Variants in ANK1 observed in about 807,000 individuals in gnomAD.
ANK1 encodes ankyrin 1.
A neutral mutation model predicts 210.4 loss-of-function variants in ANK1; 51 were observed. That is an observed-to-expected ratio of 0.24 (90% confidence interval 0.19 to 0.31). The LOEUF is 0.31. Among genes scored for constraint, ANK1 ranks in the 10% least tolerant of loss-of-function variants. The probability of loss-of-function intolerance (pLI) is 1.00; values close to 1 mark genes in which losing one functional copy is unlikely to be tolerated. For missense variants in ANK1, 2,051 were observed against 2,504.4 expected, an observed-to-expected ratio of 0.82 and a Z score of 3.86; for synonymous variants, 967 against 1,025.9, an observed-to-expected ratio of 0.94 and a Z score of 1.10.
chr8:41,774,639 C>T (rs935307130), intron 1 of ANK1, among the ~76,000 whole-genome samples: 6 of 152,232 alleles, frequency 3.9e-5, no homozygotes, highest in Non-Finnish European at 8.8e-5. Context: ...CCCAAGGCAG[C>T]GAAGCAGACA....
chr8:41,726,516 A>G (rs1186397544), intron 5 of ANK1, among the ~76,000 whole-genome samples: 1 of 152,070 alleles, frequency 6.6e-6, no homozygotes, highest in South Asian at 2.1e-4. Context: ...CAGCTTCCCA[A>G]GTAGCTAAGA....
At chr8:41,863,763 AAG>A (rs1311437085) in intron 1 of ANK1, among the ~76,000 whole-genome samples, 1 of 152,188 alleles carries the variant, frequency 6.6e-6, no homozygotes, top group African/African-American at 2.4e-5. Flanking sequence ...TACAAGTTGA[AAG>A]AGGTTCTGTG....
At chr8:41,702,196 G>C in intron 20 of ANK1, 52 bp from the exon 21 acceptor site, 2 of 1,482,424 alleles carry the variant, frequency 1.3e-6, no homozygotes, top group Non-Finnish European at 1.9e-6. Context: ...AGTCTAGGAG[G>C]CGGGGCTGGC....
chr8:41,758,950 C>G (rs1043117445), intron 1 of ANK1, among the ~76,000 whole-genome samples: 1 of 151,850 alleles, frequency 6.6e-6, no homozygotes, highest in Admixed American at 6.6e-5. Context: ...AGGATGGTCT[C>G]GAACTCCTGG....
chr8:41,733,252 T>G (rs751292497), intron 3 of ANK1, among the ~76,000 whole-genome samples: 1 of 152,180 alleles, frequency 6.6e-6, no homozygotes, highest in Non-Finnish European at 1.5e-5. Flanking sequence ...CGCCTCCTCA[T>G]GAAACAGAAT....
Position 41,728,462 on chromosome 8 carries a change from C to T in ANK1, c.229-456G>A, listed in dbSNP as rs546979113. ...GAGAAATTATCCTTTGGATGGGATG[C>T]CCACTCTTCGGGTGATGGCCACACT... On this transcript the variant is annotated intron_variant, in intron 3 of 42. Transcript: ENST00000289734. 6.2e-4 allele frequency among the ~76,000 whole-genome samples: 94 copies of T among 152,258 alleles called. 2 individuals carry two copies. The South Asian group carries it at 0.018, about 30-fold the overall frequency.
rs139528300 is a variant in ANK1, at chr8:41,661,535, C to T, written c.5574G>A (p.Pro1858=). The change falls in exon 42 of 43, where the codon CCG becomes CCA. Residue 1858 remains proline (P), a synonymous_variant. Transcript: ENST00000289734. ...CCCCCTTCCTGCCCTCTATCAGGTC[C>T]GGCTGTAGGCCACTCCCTCTCAGCT... ...EVELRGSGLQ[P]DLIEGRKGAQ... The T allele has an allele frequency of 3.5e-5, 56 of 1,614,004 alleles. No individual in the cohort carries two copies. The highest frequency in any genetic ancestry group is 2.7e-4 in the South Asian group (25 of 91,076).
chr8:41,850,329 C>T (rs901472498), intron 1 of ANK1, among the ~76,000 whole-genome samples: 3 of 151,686 alleles, frequency 2.0e-5, no homozygotes, highest in Admixed American at 6.6e-5. Context: ...GTATAGTTGA[C>T]ATTTTTCATA....
chr8:41,862,851 A>G (rs1243171862), intron 1 of ANK1, among the ~76,000 whole-genome samples: 3 of 151,450 alleles, frequency 2.0e-5, no homozygotes, highest in African/African-American at 7.3e-5. Context: ...TCTCTATAAA[A>G]AATTCTTTAA....
At chr8:41,768,494 T>C (rs910926271) in intron 1 of ANK1, among the ~76,000 whole-genome samples, 2 of 152,126 alleles carry the variant, frequency 1.3e-5, no homozygotes, top group African/African-American at 4.8e-5. Context: ...ACCCATAAGG[T>C]AGGCAACACT....
At chr8:41,716,387 G>T (rs1179601126) in intron 13 of ANK1, among the ~76,000 whole-genome samples, 1 of 151,954 alleles carries the variant, frequency 6.6e-6, no homozygotes. Flanking sequence ...TGCTGCTGTC[G>T]GGCTGCCTGG....
chr8:41,801,706 A>T (rs1401593089), upstream of ANK1, among the ~76,000 whole-genome samples: 2 of 152,034 alleles, frequency 1.3e-5, no homozygotes, highest in South Asian at 2.1e-4. Flanking sequence ...TTTTTCTGTT[A>T]TGTTGTTTGT....
At chr8:41,740,770 G>T (rs1238466635) in intron 2 of ANK1, among the ~76,000 whole-genome samples, 2 of 152,192 alleles carry the variant, frequency 1.3e-5, no homozygotes, top group African/African-American at 4.8e-5. Flanking sequence ...AGGCCTCTGG[G>T]GCTGACACAC....
Position 41,692,892 on chromosome 8 carries a change from A to T in ANK1, c.3630-16T>A. The T allele has an allele frequency of 1.2e-6, 2 of 1,610,538 alleles. No individual in the cohort carries two copies. The highest frequency in any genetic ancestry group is 1.7e-6 in the Non-Finnish European group (2 of 1,177,020). ...CAGCCAAAACCTAAAAAGTAGGGCG[A>T]GTTATGTGTTCCCAAGTGCCCAACA... On this transcript the variant is annotated splice_polypyrimidine_tract_variant and intron_variant, in intron 30 of 42. Coordinates refer to ENST00000289734, the MANE Select transcript of ANK1 (RefSeq NM_000037.4).
intron 1 of ANK1, among the ~76,000 whole-genome samples, chr8:41,814,110 C>G (rs1026304719): frequency 6.6e-6 from 1 of 152,178 alleles, no homozygotes; most frequent in Non-Finnish European, 1.5e-5. Flanking sequence ...GCCTGTAATC[C>G]CAGCACTTTG....
rs116892736 is a variant in ANK1, at chr8:41,843,797, A to T, written c.126+52558T>A. Among the ~76,000 whole-genome samples the T allele has an allele frequency of 4.7e-3, 712 of 152,330 alleles. 4 individuals carry two copies. The highest frequency in any genetic ancestry group is 0.027 in the East Asian group (138 of 5,184). ...CATGTACGGATCTTGTTAACTCAAGATACGTATGATGCAGGCAGGAATCAG... is the reference window on the plus strand; with the variant it reads ...CATGTACGGATCTTGTTAACTCAAGTTACGTATGATGCAGGCAGGAATCAG... On this transcript the variant is annotated intron_variant, in intron 1 of 42. Coordinates refer to the ANK1 transcript ENST00000265709.
chr8:41,707,628 C>T (rs532891725), intron 17 of ANK1, among the ~76,000 whole-genome samples: 196 of 152,266 alleles, frequency 1.3e-3, no homozygotes, highest in Non-Finnish European at 2.3e-3. Flanking sequence ...GTGAGGGCGG[C>T]GTGCGGATGA....
At position 41,701,545 on chromosome 8, in the gene ANK1, G is replaced by A. The variant is rs1822811986; in HGVS notation, c.2461+5C>T. The A allele has an allele frequency of 1.9e-6, 3 of 1,613,986 alleles. No homozygotes were observed. The highest frequency in any genetic ancestry group is 2.5e-6 in the Non-Finnish European group (3 of 1,179,936). ...ACCAGCCTGAGCTCTTTACCCCAAC[G>A]TTACCTTCATCTTCCGAGACATCCA... On this transcript the variant is annotated splice_donor_5th_base_variant and intron_variant, in intron 22 of 42. Coordinates refer to ENST00000289734, the MANE Select transcript of ANK1 (RefSeq NM_000037.4).
intron 11 of ANK1, 138 bp from the exon 12 acceptor site, chr8:41,717,840 GA>G: frequency 1.0e-6 from 1 of 968,686 alleles, no homozygotes; most frequent in Non-Finnish European, 1.6e-6. Flanking sequence ...TTGCTTCCAA[GA>G]AAATGGTTGG....
Sources: gnomAD v4.1 joint callset for allele counts (sites outside exome capture counted in the v4.1 genomes callset) on GRCh38, gnomAD v4.1.1 for gene constraint, MANE v1.5 for transcripts, NCBI Gene and HGNC (gene_info 2026-07-23, HGNC 2026-07-21) for gene names.